SCLT1: variants seen among roughly 807,000 people sequenced by gnomAD.
SCLT1 encodes sodium channel-associated protein 1.
SCLT1 carries 78 observed loss-of-function variants against 112.8 expected under a neutral mutation model. That is an observed-to-expected ratio of 0.69 (90% CI 0.58 to 0.83). SCLT1 has a LOEUF of 0.83. Ranked by LOEUF, SCLT1 falls within the 40% of genes least tolerant of loss-of-function variation. SCLT1 has a pLI of 0.00. For missense variants in SCLT1, 747 were observed against 770.4 expected (o/e 0.97, Z 0.36); for synonymous variants, 257 against 254.7 (o/e 1.01, Z -0.09).
At chr4:128,886,332 T>C (rs1485467685) in intron 20 of SCLT1, among the ~76,000 whole-genome samples, 1 of 152,186 alleles carries the variant, frequency 6.6e-6, no homozygotes, top group Non-Finnish European at 1.5e-5. Context: ...GATGCTGCAC[T>C]GCACTATGGT....
chr4:129,000,066 A>G (rs1383258137), intron 6 of SCLT1, among the ~76,000 whole-genome samples: 4 of 151,966 alleles, frequency 2.6e-5, no homozygotes, highest in African/African-American at 9.7e-5. Context: ...ATGTAGATTT[A>G]AACCATGTTC....
intron 18 of SCLT1, among the ~76,000 whole-genome samples, chr4:128,901,928 T>A (rs946261692): frequency 6.6e-6 from 1 of 152,148 alleles, no homozygotes. Context: ...TTTTTGTTTT[T>A]GTTTTGAGAT....
intron 9 of SCLT1, among the ~76,000 whole-genome samples, chr4:128,975,857 AT>A (rs1286782264): frequency 6.6e-6 from 1 of 152,064 alleles, no homozygotes; most frequent in Non-Finnish European, 1.5e-5. Context: ...TTTATTTCAA[AT>A]TTTTTCCTCT....
chr4:129,064,849 T>A (rs1750329850), intron 2 of SCLT1, among the ~76,000 whole-genome samples: 1 of 152,132 alleles, frequency 6.6e-6, no homozygotes, highest in South Asian at 2.1e-4. Context: ...GAAAACAAAT[T>A]ATAAGTAATT....
At chr4:129,059,889 C>G (rs560531588) in intron 2 of SCLT1, among the ~76,000 whole-genome samples, 1 of 152,288 alleles carries the variant, frequency 6.6e-6, no homozygotes, top group African/African-American at 2.4e-5. Flanking sequence ...ATGTCCATAT[C>G]TCTCCACAGC....
intron 2 of SCLT1, among the ~76,000 whole-genome samples, chr4:129,055,812 C>G (rs945706967): frequency 3.4e-5 from 5 of 148,316 alleles, no homozygotes; most frequent in Non-Finnish European, 7.4e-5. Flanking sequence ...CCAGGCGCCA[C>G]TGGCATAAAA....
At position 128,884,170 on chromosome 4, in the gene SCLT1, GT is replaced by G. The variant is rs1732724431; in HGVS notation, c.*306del. ...TTCTTATGAAAGAGAAATTTGCATA[GT>G]TTGAAAATTATTATGTCCTTTCAAG... On this transcript the variant is annotated 3_prime_UTR_variant, in exon 21 of 21. Coordinates refer to ENST00000281142, the MANE Select transcript of SCLT1 (RefSeq NM_144643.4). The G allele has an allele frequency of 4.4e-6, 1 of 227,252 alleles. No individual in the cohort carries two copies. 14.1% of individuals were successfully genotyped at this position (227,252 alleles called of 1,614,324 possible).
At chr4:128,874,532 A>G in intron 4 of SCLT1, 1 of 152,542 alleles carries the variant, frequency 6.6e-6, no homozygotes. Context: ...ACAAAAACAA[A>G]ACACACAAAA....
At chr4:128,944,115 T>C (rs1737941978) in intron 16 of SCLT1, among the ~76,000 whole-genome samples, 1 of 152,156 alleles carries the variant, frequency 6.6e-6, no homozygotes, top group Admixed American at 6.6e-5. Context: ...CTTTGATCTC[T>C]ACCTCTGCCT....
At chr4:129,059,064 T>C (rs1375210222) in intron 2 of SCLT1, among the ~76,000 whole-genome samples, 1 of 152,230 alleles carries the variant, frequency 6.6e-6, no homozygotes, top group Admixed American at 6.5e-5. Flanking sequence ...GTTTTTGATT[T>C]AATGTCTGTA....
At chr4:128,970,122 T>C (rs1431581721) in intron 10 of SCLT1, among the ~76,000 whole-genome samples, 1 of 152,192 alleles carries the variant, frequency 6.6e-6, no homozygotes, top group Non-Finnish European at 1.5e-5. Context: ...TTGTATCAAT[T>C]TGCGTTTCAG....
chr4:128,984,704 T>A (rs537942538), intron 9 of SCLT1, among the ~76,000 whole-genome samples: 1 of 152,176 alleles, frequency 6.6e-6, no homozygotes, highest in Admixed American at 6.5e-5. Context: ...AAAAATCTTA[T>A]ATCCTTTTTT....
chr4:129,085,780 G>A (rs1752340252), intron 1 of SCLT1, among the ~76,000 whole-genome samples: 1 of 152,140 alleles, frequency 6.6e-6, no homozygotes, highest in African/African-American at 2.4e-5. Context: ...ACCAAGTACG[G>A]CATGTTCTCA....
At chr4:129,055,531 T>C (rs188733398) in intron 2 of SCLT1, among the ~76,000 whole-genome samples, 1 of 152,180 alleles carries the variant, frequency 6.6e-6, no homozygotes. Flanking sequence ...CTGCATTGTG[T>C]TGAGTTCTGC....
intron 5 of SCLT1, chr4:128,873,281 G>GAAAAAAAAAAAAAAAAAAAAAAAAA (rs1281020527): frequency 2.8e-5 from 3 of 105,630 alleles, no homozygotes; most frequent in Admixed American, 9.3e-5. Context: ...AAGAAAAAAA[G>GAAAAAAAAAAAAAAAAAAAAAAAAA]AAAAAAAAAA....
chr4:128,972,854 A>T (rs560414198), intron 9 of SCLT1, among the ~76,000 whole-genome samples: 3 of 152,216 alleles, frequency 2.0e-5, no homozygotes, highest in African/African-American at 7.2e-5. Flanking sequence ...AAAAACTCCT[A>T]TTTAACAATG....
intron 18 of SCLT1, among the ~76,000 whole-genome samples, chr4:128,892,008 A>G (rs1733367052): frequency 6.6e-6 from 1 of 152,160 alleles, no homozygotes; most frequent in Non-Finnish European, 1.5e-5. Context: ...TTAGAAATTT[A>G]AGGAAACATT....
chr4:128,967,867 T>C (rs1579539607), intron 10 of SCLT1, among the ~76,000 whole-genome samples: 1 of 152,210 alleles, frequency 6.6e-6, no homozygotes, highest in African/African-American at 2.4e-5. Flanking sequence ...GTCCCACTTG[T>C]CAATTTTTGC....
chr4:129,039,587 CA>C (rs1178004706), intron 4 of SCLT1: 2 of 155,836 alleles, frequency 1.3e-5, no homozygotes, highest in African/African-American at 4.8e-5. Flanking sequence ...TCTGATTCAC[CA>C]CCTTCATTAA....
Sources: gnomAD v4.1 joint callset for allele counts (sites outside exome capture counted in the v4.1 genomes callset) on GRCh38, gnomAD v4.1.1 for gene constraint, MANE v1.5 for transcripts, NCBI Gene and HGNC (gene_info 2026-07-23, HGNC 2026-07-21) for gene names.